The following SCIN variants were observed in gnomAD, a reference collection of about 807,000 sequenced individuals.
SCIN encodes the protein adseverin.
Under a neutral mutation model 91.8 loss-of-function variants are expected in SCIN, and 91 were observed. The observed-to-expected ratio is 0.99, with a 90% CI of 0.84 to 1.18. SCIN has a LOEUF of 1.18. Among genes scored for constraint, SCIN ranks in the 50% most tolerant of loss-of-function variants. The pLI, the probability that SCIN is intolerant of heterozygous loss-of-function variation, is 0.00. For synonymous variants in SCIN, 367 were observed against 312.6 expected (o/e 1.17, Z -1.84); for missense variants, 1,087 against 863.9 (o/e 1.26, Z -3.24).
chr7:12,637,329 A>C (rs897389118), intron 10 of SCIN, among the ~76,000 whole-genome samples: 2 of 152,226 alleles, frequency 1.3e-5, no homozygotes, highest in African/African-American at 2.4e-5. Flanking sequence ...ACAAGTAAAC[A>C]GAAATAAATC....
intron 4 of SCIN, among the ~76,000 whole-genome samples, chr7:12,608,106 C>G (rs536838108): frequency 1.3e-5 from 2 of 152,248 alleles, no homozygotes; most frequent in African/African-American, 4.8e-5. Context: ...ATCTTCTGCT[C>G]ACTAGTATTT....
intron 8 of SCIN, 103 bp from the exon 9 acceptor site, chr7:12,628,998 G>T: frequency 1.0e-6 from 1 of 965,362 alleles, no homozygotes; most frequent in South Asian, 2.0e-5. Flanking sequence ...TAATTTAAAA[G>T]TTGTTTAATA....
At chr7:12,626,837 G>T in intron 8 of SCIN, 38 bp downstream of exon 8, 1 of 1,531,720 alleles carries the variant, frequency 6.5e-7, no homozygotes, top group South Asian at 1.2e-5. Context: ...GCCCATTAAT[G>T]CCAGTGTATG....
At chr7:12,635,962 A>T (rs1011678009) in intron 9 of SCIN, 83 bp from the exon 10 acceptor site, 1 of 949,824 alleles carries the variant, frequency 1.1e-6, no homozygotes, top group Admixed American at 2.0e-5. Flanking sequence ...CTTTCATAAT[A>T]ACTTGTCTCT....
At chr7:12,626,065 C>A in intron 7 of SCIN, 2 of 492,014 alleles carry the variant, frequency 4.1e-6, no homozygotes, top group Non-Finnish European at 3.6e-6. Flanking sequence ...ATAGAGCTGC[C>A]CATTCACTTC....
intron 9 of SCIN, among the ~76,000 whole-genome samples, chr7:12,631,705 G>A (rs895214526): frequency 2.6e-5 from 4 of 152,092 alleles, no homozygotes; most frequent in African/African-American, 9.7e-5. Context: ...GTGATCTCTT[G>A]ACTTTGGACT....
At chr7:12,578,958 TC>T (rs1457338959) in intron 2 of SCIN, among the ~76,000 whole-genome samples, 1 of 142,148 alleles carries the variant, frequency 7.0e-6, no homozygotes, top group Non-Finnish European at 1.5e-5. Flanking sequence ...AGACTGGCCC[TC>T]CCTTCACCAT....
intron 9 of SCIN, among the ~76,000 whole-genome samples, chr7:12,633,093 A>G (rs1218882832): frequency 6.6e-6 from 1 of 152,212 alleles, no homozygotes; most frequent in Non-Finnish European, 1.5e-5. Flanking sequence ...TTTAAATTAA[A>G]CAACTTTCCA....
intron 4 of SCIN, among the ~76,000 whole-genome samples, chr7:12,608,671 G>A (rs927223988): frequency 6.6e-6 from 1 of 151,958 alleles, no homozygotes; most frequent in Non-Finnish European, 1.5e-5. Flanking sequence ...TAGAGACGGG[G>A]TTTCACTCTG....
At chr7:12,599,496 T>G (rs1782913307) in intron 3 of SCIN, among the ~76,000 whole-genome samples, 1 of 152,172 alleles carries the variant, frequency 6.6e-6, no homozygotes, top group Admixed American at 6.5e-5. Flanking sequence ...TGCAAGTATC[T>G]TTTTTATATA....
intron 7 of SCIN, chr7:12,626,267 C>T (rs1345393312): frequency 2.9e-6 from 1 of 346,516 alleles, no homozygotes; most frequent in South Asian, 4.3e-5. Flanking sequence ...ATCTACTCTC[C>T]TCATTTTTAT....
chr7:12,652,437 AT>A, intron 15 of SCIN, 150 bp from the exon 16 acceptor site: 1 of 692,658 alleles, frequency 1.4e-6, no homozygotes, highest in South Asian at 2.0e-5. Context: ...GAAGAATTGT[AT>A]TCGAAGAATT....
rs561856789 is a variant in SCIN, at chr7:12,583,219, A to G, written c.516+1998A>G. On this transcript the variant is annotated intron_variant, in intron 3 of 15. Transcript: ENST00000297029. ...TTCAGCTTTCTAACTATCTGCTATG[A>G]TATTGGGCAACTCATTAATGTCTCT... Among the ~76,000 whole-genome samples the G allele has an allele frequency of 1.6e-4, 24 of 152,082 alleles. No individual in the cohort carries two copies. In the East Asian group the frequency reaches 4.6e-3, roughly 29 times the overall value.
At chr7:12,603,653 A>C (rs111358894) in intron 3 of SCIN, among the ~76,000 whole-genome samples, 5,194 of 152,174 alleles carry the variant, frequency 0.034, 300 homozygotes, top group African/African-American at 0.12. Context: ...TCTGGACACT[A>C]TACCAAAATC....
chr7:12,636,383 A>C (rs901175365), intron 10 of SCIN, among the ~76,000 whole-genome samples: 9 of 152,220 alleles, frequency 5.9e-5, no homozygotes, highest in Non-Finnish European at 1.3e-4. Context: ...AATCTTCCCA[A>C]TAGAATCACA....
At chr7:12,644,885 A>G (rs1240687426) in intron 13 of SCIN, among the ~76,000 whole-genome samples, 180 bp downstream of exon 13, 2 of 151,846 alleles carry the variant, frequency 1.3e-5, no homozygotes, top group Admixed American at 6.6e-5. Context: ...GTGGTGGTGC[A>G]CACTTGTAAT....
chr7:12,604,066 A>G (rs1783020520), intron 3 of SCIN, among the ~76,000 whole-genome samples: 1 of 152,108 alleles, frequency 6.6e-6, no homozygotes, highest in African/African-American at 2.4e-5. Flanking sequence ...GTATACATAT[A>G]TCAAAACATC....
At chr7:12,627,305 C>G (rs1583308794) in intron 8 of SCIN, among the ~76,000 whole-genome samples, 1 of 152,268 alleles carries the variant, frequency 6.6e-6, no homozygotes, top group African/African-American at 2.4e-5. Context: ...CTGACTTCCC[C>G]TCTGCCATCT....
chr7:12,622,818 A>G lies in SCIN; in HGVS notation c.684A>G (p.Pro228=). 1 of 1,612,554 alleles carries G rather than the reference A, an allele frequency of 6.2e-7. No individual in the cohort carries two copies. Among genetic ancestry groups the G allele is most frequent in the Non-Finnish European group, 8.5e-7 (1 of 1,178,824 alleles). The change falls in exon 5 of 16, where the codon CCA becomes CCG. Residue 228 remains proline (P), a synonymous_variant. Transcript: ENST00000297029. ...SELIKVLGEK[P]ELPDGGDDDD... ...TTTTCCAGGTCTTAGGGGAAAAGCC[A>G]GAGCTTCCAGATGGAGGTGATGATG...
Sources: gnomAD v4.1 joint callset for allele counts (sites outside exome capture counted in the v4.1 genomes callset) on GRCh38, gnomAD v4.1.1 for gene constraint, MANE v1.5 for transcripts, NCBI Gene and HGNC (gene_info 2026-07-23, HGNC 2026-07-21) for gene names.